The following PSMA1 variants were observed in gnomAD, a reference collection of about 807,000 sequenced individuals.
PSMA1 encodes the protein proteasome subunit alpha type-1.
PSMA1 carries 3 observed loss-of-function variants against 38.4 expected under a neutral mutation model. That is an observed-to-expected ratio of 0.08 (90% CI 0.04 to 0.20). PSMA1 has a LOEUF of 0.20. PSMA1 is among the 10% of genes least tolerant of loss of function. The pLI, the probability that PSMA1 is intolerant of heterozygous loss-of-function variation, is 1.00. For synonymous variants in PSMA1, 101 were observed against 107.1 expected (o/e 0.94, Z 0.35); for missense variants, 227 against 325.3 (o/e 0.70, Z 2.32).
chr11:14,614,306 C>T (rs1852743999), intron 1 of PSMA1, among the ~76,000 whole-genome samples: 1 of 151,826 alleles, frequency 6.6e-6, no homozygotes, highest in African/African-American at 2.4e-5. Context: ...TTATTTCTAA[C>T]TCTGTGGTTT....
rs1229684152 is a variant in PSMA1, at chr11:14,574,899, A to G, written c.21+36067T>C. Reference sequence around the variant, plus strand: ...ACCACTATAGTGGGGTGCTGCTATAAGGATACTAAAAAATGCAGAAGTGAC... The same window carrying G: ...ACCACTATAGTGGGGTGCTGCTATAGGGATACTAAAAAATGCAGAAGTGAC... On this transcript the variant is annotated intron_variant, in intron 2 of 10. Transcript: ENST00000418988. 2.0e-5 allele frequency among the ~76,000 whole-genome samples: 3 copies of G among 152,332 alleles called. No individual in the cohort carries two copies. In the East Asian group the frequency reaches 5.8e-4, roughly 29 times the overall value.
intron 2 of PSMA1, among the ~76,000 whole-genome samples, chr11:14,548,946 A>C (rs1344020662): frequency 6.6e-6 from 1 of 152,210 alleles, no homozygotes; most frequent in Non-Finnish European, 1.5e-5. Flanking sequence ...ATGCCTTGCT[A>C]CTGCTCTGTA....
chr11:14,623,952 C>A (rs1590014442), intron 1 of PSMA1, among the ~76,000 whole-genome samples: 1 of 152,324 alleles, frequency 6.6e-6, no homozygotes, highest in South Asian at 2.1e-4. Context: ...ACAGGCTTGT[C>A]TTTCCTGATT....
chr11:14,638,563 ATATATATATATATATATATATATTTTTTT>A (rs1853149401), intron 1 of PSMA1, among the ~76,000 whole-genome samples: 1 of 13,936 alleles, frequency 7.2e-5, no homozygotes. Context: ...ATATATATAT[ATATATATATATATATATATATATTTTTTT>A]TTTTTTTTTT....
intron 1 of PSMA1, among the ~76,000 whole-genome samples, chr11:14,640,255 A>G (rs1482440024): frequency 1.3e-5 from 2 of 152,124 alleles, no homozygotes; most frequent in Admixed American, 1.3e-4. Context: ...AAGAAGGAAG[A>G]CTGTAAGAGA....
chr11:14,553,117 A>G (rs1589990846), intron 2 of PSMA1, among the ~76,000 whole-genome samples: 1 of 151,892 alleles, frequency 6.6e-6, no homozygotes, highest in African/African-American at 2.4e-5. Flanking sequence ...GAGCCATTAC[A>G]CCCAGCCTAT....
rs375275501 is a variant in PSMA1, at chr11:14,613,050, T to G, written c.-165-1899A>C. Among the ~76,000 whole-genome samples, 11 of 152,260 alleles carry G rather than the reference T, an allele frequency of 7.2e-5. No homozygotes were observed. In the East Asian group the frequency reaches 9.7e-4, roughly 13 times the overall value. The stretch of plus-strand genomic sequence containing the variant: ...ATGACTCATTCCAAATTTCACTGGA[T>G]GGACAACCACCAAAGCAGAACATTT... On this transcript the variant is annotated intron_variant, in intron 1 of 10. Transcript: ENST00000418988.
At chr11:14,518,102 G>T in intron 2 of PSMA1, 121 bp from the exon 3 acceptor site, 2 of 696,178 alleles carry the variant, frequency 2.9e-6, no homozygotes, top group Non-Finnish European at 4.5e-6. Flanking sequence ...TTAATCAAGA[G>T]ACCTTTTTTT....
chr11:14,588,914 C>T (rs1852380302), intron 2 of PSMA1, among the ~76,000 whole-genome samples: 1 of 152,212 alleles, frequency 6.6e-6, no homozygotes, highest in Non-Finnish European at 1.5e-5. Context: ...GCTGTTCTAT[C>T]TGCCTGGAGG....
At chr11:14,566,540 G>C (rs1194775946) in intron 2 of PSMA1, among the ~76,000 whole-genome samples, 1 of 152,126 alleles carries the variant, frequency 6.6e-6, no homozygotes, top group African/African-American at 2.4e-5. Flanking sequence ...GGCTATGATA[G>C]GCCCTTACCT....
intron 2 of PSMA1, among the ~76,000 whole-genome samples, chr11:14,602,735 G>A (rs1249941184): frequency 6.6e-6 from 1 of 152,142 alleles, no homozygotes; most frequent in Non-Finnish European, 1.5e-5. Context: ...AATATATAGA[G>A]AAAGGCAGAA....
At chr11:14,598,678 G>T (rs1015542105) in intron 2 of PSMA1, among the ~76,000 whole-genome samples, 4 of 147,214 alleles carry the variant, frequency 2.7e-5, no homozygotes, top group African/African-American at 1.0e-4. Flanking sequence ...CACACTGATG[G>T]GTCTTGACTC....
At chr11:14,550,824 C>G (rs1851877394) in intron 2 of PSMA1, among the ~76,000 whole-genome samples, 1 of 152,038 alleles carries the variant, frequency 6.6e-6, no homozygotes, top group South Asian at 2.1e-4. Flanking sequence ...GATAATTCTT[C>G]ATGTGTGTAT....
chr11:14,614,549 A>G (rs1852748052), intron 1 of PSMA1, among the ~76,000 whole-genome samples: 1 of 152,202 alleles, frequency 6.6e-6, no homozygotes, highest in Non-Finnish European at 1.5e-5. Context: ...ACGCAGAAAG[A>G]TGAAATCCAT....
intron 2 of PSMA1, among the ~76,000 whole-genome samples, chr11:14,555,314 T>C (rs1014127338): frequency 1.3e-5 from 2 of 152,268 alleles, no homozygotes; most frequent in Non-Finnish European, 2.9e-5. Context: ...TGATGTGTAC[T>C]GGATGATGTG....
chr11:14,577,326 G>A (rs543986343), intron 2 of PSMA1, among the ~76,000 whole-genome samples: 5 of 152,234 alleles, frequency 3.3e-5, no homozygotes, highest in Middle Eastern at 3.4e-3. Context: ...TCATGGTTGC[G>A]CTGCCATTAA....
intron 2 of PSMA1, among the ~76,000 whole-genome samples, chr11:14,580,851 TAAG>T (rs1411917794): frequency 6.6e-6 from 1 of 152,150 alleles, no homozygotes; most frequent in African/African-American, 2.4e-5. Flanking sequence ...GGGGGTTGTT[TAAG>T]AAGATTAGGA....
At chr11:14,611,728 C>T (rs1234064616) in intron 1 of PSMA1, among the ~76,000 whole-genome samples, 1 of 152,186 alleles carries the variant, frequency 6.6e-6, no homozygotes, top group Non-Finnish European at 1.5e-5. Context: ...ACATACTCCT[C>T]ACTAGATTGT....
chr11:14,540,724 A>C (rs1327567894), intron 2 of PSMA1, among the ~76,000 whole-genome samples: 3 of 152,256 alleles, frequency 2.0e-5, no homozygotes, highest in African/African-American at 7.2e-5. Context: ...TTTTAGAATA[A>C]GTCATCTAAT....
Sources: gnomAD v4.1 joint callset for allele counts (sites outside exome capture counted in the v4.1 genomes callset) on GRCh38, gnomAD v4.1.1 for gene constraint, MANE v1.5 for transcripts, NCBI Gene and HGNC (gene_info 2026-07-23, HGNC 2026-07-21) for gene names.